The following WDR33 variants were observed in gnomAD, a reference collection of about 807,000 sequenced individuals.
WDR33 encodes WD repeat domain 33, also known as pre-mRNA 3' end processing protein WDR33.
Under a neutral mutation model 164.9 loss-of-function variants are expected in WDR33, and 47 were observed. The observed-to-expected ratio is 0.29, with a 90% confidence interval of 0.23 to 0.36. The LOEUF (loss-of-function observed/expected upper bound fraction) is 0.36. WDR33 is among the 10% of genes least tolerant of loss of function. The pLI is 1.00. For synonymous variants in WDR33, 505 were observed against 589.0 expected (o/e 0.86, Z 2.06); for missense variants, 1,137 against 1,754.1 (o/e 0.65, Z 6.28).
chr2:127,725,307 G>A (rs1037826887), intron 8 of WDR33, 92 bp from the exon 9 acceptor site: 20 of 1,317,350 alleles, frequency 1.5e-5, no homozygotes, highest in Non-Finnish European at 2.0e-5. Flanking sequence ...AATCAAGATG[G>A]CAAGAGGTTT....
chr2:127,764,626 C>T lies in WDR33; in HGVS notation c.626+202G>A. On this transcript the variant is annotated intron_variant, in intron 6 of 21. Transcript: ENST00000322313. This position sits in a 1 kb window ranked among gnomAD's most constrained non-coding sequence, Gnocchi z 6.2. ...GTACATCTCTAACATATTGCAAAGG[C>T]TGATACCGGGACAACACTACTTCAG... is the stretch of plus-strand genomic sequence containing the variant. 3 of 1,554,808 alleles carry T rather than the reference C, an allele frequency of 1.9e-6. No individual in the cohort carries two copies. The highest frequency in any genetic ancestry group is 2.6e-6 in the Non-Finnish European group (3 of 1,148,352).
chr2:127,738,114 A>G lies in WDR33; in HGVS notation c.725-11337T>C. 1 of 1,495,860 alleles carries G rather than the reference A, an allele frequency of 6.7e-7. No homozygotes were observed. Among genetic ancestry groups the G allele is most frequent in the Non-Finnish European group, 9.0e-7 (1 of 1,108,968 alleles). 92.7% of individuals were successfully genotyped at this position (1,495,860 alleles called of 1,614,324 possible). ...TACTGTGCAGGCAGGTATCTATCAC[A>G]TGAGCCCTGGCAGATTGTGTAATTT... On this transcript the variant is annotated intron_variant, in intron 7 of 21. Coordinates refer to ENST00000322313, the MANE Select transcript of WDR33 (RefSeq NM_018383.5). The surrounding 1 kb of genome is among the most constrained non-coding windows in gnomAD (Gnocchi z 4.4).
intron 7 of WDR33, among the ~76,000 whole-genome samples, chr2:127,759,553 T>C (rs1687617624): frequency 6.6e-6 from 1 of 151,840 alleles, no homozygotes; most frequent in African/African-American, 2.4e-5. Flanking sequence ...TAGCCGGGCA[T>C]GGTGACACAT....
Position 127,701,364 on chromosome 2 carries a change from G to A in WDR33, c.*4959C>T, listed in dbSNP as rs1430573460. 5.3e-6 allele frequency: 3 copies of A among 571,232 alleles called. No homozygotes were observed. Among genetic ancestry groups the A allele is most frequent in the Non-Finnish European group, 7.7e-6 (3 of 390,038 alleles). 35.4% of individuals were successfully genotyped at this position (571,232 alleles called of 1,614,324 possible). On this transcript the variant is annotated 3_prime_UTR_variant, in exon 22 of 22. Coordinates refer to ENST00000322313, the MANE Select transcript of WDR33 (RefSeq NM_018383.5). The stretch of plus-strand genomic sequence containing the variant: ...AGCACCTGCGACCACGGTACTTGGG[G>A]ACACCACAAAAGTCCGCAGAGCAGG...
Position 127,763,648 on chromosome 2 carries a change from T to C in WDR33, c.627-489A>G. On this transcript the variant is annotated intron_variant, in intron 6 of 21. Coordinates refer to ENST00000322313, the MANE Select transcript of WDR33 (RefSeq NM_018383.5). This position sits in a 1 kb window ranked among gnomAD's most constrained non-coding sequence, Gnocchi z 4.5. ...GATTGCTAAACATCCCTACATACAA[T>C]GTTTCTCATCCATTTCAAAGGTCTG... The C allele has an allele frequency of 1.0e-6, 1 of 987,206 alleles. No homozygotes were observed. The highest frequency in any genetic ancestry group is 1.2e-6 in the Non-Finnish European group (1 of 831,108). The allele number at this position is 987,206 out of a possible 1,614,324, so 61.2% of individuals were successfully genotyped here. A position where few individuals can be genotyped will look rare whatever the true frequency, so the allele number is the denominator to read the frequency against.
intron 1 of WDR33, among the ~76,000 whole-genome samples, chr2:127,776,212 C>G (rs995374473): frequency 1.4e-4 from 21 of 152,122 alleles, no homozygotes; most frequent in African/African-American, 3.6e-4. Context: ...CATGTGAGGA[C>G]AGAGAGAGAA....
intron 7 of WDR33, among the ~76,000 whole-genome samples, chr2:127,747,979 CATG>C (rs1687214729): frequency 6.6e-6 from 1 of 152,160 alleles, no homozygotes; most frequent in Non-Finnish European, 1.5e-5. Context: ...ACTCCAAGAC[CATG>C]GCAAAGTGAG....
Position 127,738,963 on chromosome 2 carries a change from A to G in WDR33, c.725-12186T>C, listed in dbSNP as rs1261930256. On this transcript the variant is annotated intron_variant, in intron 7 of 21. Coordinates refer to ENST00000322313, the MANE Select transcript of WDR33 (RefSeq NM_018383.5). The surrounding 1 kb of genome is among the most constrained non-coding windows in gnomAD (Gnocchi z 4.4). Reference sequence around the variant, plus strand: ...CCAACCAGTCCCGTTATAAATGTAAACATGAAATAAAAGACACACAAGAAC... The same window carrying G: ...CCAACCAGTCCCGTTATAAATGTAAGCATGAAATAAAAGACACACAAGAAC... Among the ~76,000 whole-genome samples, 1 of 152,224 alleles carries G rather than the reference A, an allele frequency of 6.6e-6. No individual in the cohort carries two copies. Among genetic ancestry groups the G allele is most frequent in the Non-Finnish European group, 1.5e-5 (1 of 68,038 alleles).
chr2:127,741,919 G>A lies in WDR33; in HGVS notation c.725-15142C>T, dbSNP rs1288301908. Among the ~76,000 whole-genome samples the A allele has an allele frequency of 6.6e-5, 10 of 152,114 alleles. No individual in the cohort carries two copies. Among genetic ancestry groups the A allele is most frequent in the Non-Finnish European group, 1.5e-5 (1 of 68,022 alleles). On this transcript the variant is annotated intron_variant, in intron 7 of 21. Transcript: ENST00000322313. The surrounding 1 kb of genome is among the most constrained non-coding windows in gnomAD (Gnocchi z 4.1). ...GCAGTTGATAAAAATAACACTTTCC[G>A]GCTGGGCACGGTGGCTCACACCTGT...
At position 127,741,279 on chromosome 2, in the gene WDR33, A is replaced by T. The variant is rs925345303; in HGVS notation, c.725-14502T>A. 2.0e-5 allele frequency among the ~76,000 whole-genome samples: 3 copies of T among 152,244 alleles called. No individual in the cohort carries two copies. Among genetic ancestry groups the T allele is most frequent in the African/African-American group, 7.2e-5 (3 of 41,466 alleles). On this transcript the variant is annotated intron_variant, in intron 7 of 21. Transcript: ENST00000322313. This position sits in a 1 kb window ranked among gnomAD's most constrained non-coding sequence, Gnocchi z 4.1. The stretch of plus-strand genomic sequence containing the variant: ...AGAAATGCCACGGATGACACTGAAA[A>T]TGGAAAGAAGTGGAGGGCAAAGAGA...
intron 7 of WDR33, among the ~76,000 whole-genome samples, chr2:127,748,822 A>G (rs1459805664): frequency 6.7e-6 from 1 of 149,496 alleles, no homozygotes; most frequent in Non-Finnish European, 1.5e-5. Flanking sequence ...ATGGCTCATT[A>G]CTGTCTCGAT....
chr2:127,773,960 T>C (rs544858981), intron 1 of WDR33, among the ~76,000 whole-genome samples: 12 of 151,818 alleles, frequency 7.9e-5, no homozygotes, highest in East Asian at 7.7e-4. Flanking sequence ...AGGCTGGTCT[T>C]GAACTCCTGA....
chr2:127,771,346 C>T (rs943768878), intron 1 of WDR33, among the ~76,000 whole-genome samples: 1 of 152,036 alleles, frequency 6.6e-6, no homozygotes, highest in Non-Finnish European at 1.5e-5. Flanking sequence ...TGGTGGCAAC[C>T]GTAACACAAT....
intron 2 of WDR33, 65 bp from the exon 3 acceptor site, chr2:127,769,066 T>G: frequency 1.0e-6 from 1 of 953,168 alleles, no homozygotes; most frequent in Non-Finnish European, 1.4e-6. Flanking sequence ...TATGGTCTGA[T>G]TATACTCAAT....
chr2:127,730,063 A>G (rs994246321), intron 7 of WDR33, among the ~76,000 whole-genome samples: 2 of 152,210 alleles, frequency 1.3e-5, no homozygotes, highest in Admixed American at 6.5e-5. Context: ...GTAGCTTGGG[A>G]CACAAGGGAA....
intron 1 of WDR33, among the ~76,000 whole-genome samples, chr2:127,801,736 T>G (rs1428944306): frequency 6.6e-6 from 1 of 151,640 alleles, no homozygotes; most frequent in East Asian, 1.9e-4. Context: ...TACAAAAAAT[T>G]AGCTGGGCGT....
Position 127,764,871 on chromosome 2 carries a change from C to T in WDR33, c.583G>A (p.Val195Ile), listed in dbSNP as rs1558943678. ...TCCTTATGTGCCTGGAACATCTTGA[C>T]GTTGTTCATGTTCGACTGCCAATAT... is the stretch of plus-strand genomic sequence containing the variant. ...VKYWQSNMNN[V>I]KMFQAHKEAI... The change falls in exon 6 of 22, where the codon GTC becomes ATC. Residue 195 changes from valine (V) to isoleucine (I), a missense_variant. Coordinates refer to ENST00000322313, the MANE Select transcript of WDR33 (RefSeq NM_018383.5). The surrounding 1 kb of genome is among the most constrained non-coding windows in gnomAD (Gnocchi z 6.2). 3 of 1,614,150 alleles carry T rather than the reference C, an allele frequency of 1.9e-6. No individual in the cohort carries two copies. Among genetic ancestry groups the T allele is most frequent in the Non-Finnish European group, 2.5e-6 (3 of 1,180,022 alleles).
At chr2:127,808,332 C>G (rs1446405724) in intron 1 of WDR33, among the ~76,000 whole-genome samples, 1 of 152,152 alleles carries the variant, frequency 6.6e-6, no homozygotes, top group Non-Finnish European at 1.5e-5. Flanking sequence ...AATGGTGAGC[C>G]TGGCATTCAA....
intron 7 of WDR33, among the ~76,000 whole-genome samples, chr2:127,731,919 CT>C (rs1355818814): frequency 1.3e-5 from 2 of 152,090 alleles, no homozygotes; most frequent in African/African-American, 4.8e-5. Context: ...GACCCTGTCT[CT>C]AGAAGAAAAA....
Sources: allele counts gnomAD v4.1 joint callset (sites outside exome capture counted in the v4.1 genomes callset), GRCh38; gene constraint gnomAD v4.1.1; non-coding constraint Gnocchi (gnomAD v3.1); transcripts MANE v1.5; gene names NCBI Gene and HGNC (gene_info 2026-07-23, HGNC 2026-07-21).